The following PTPRD variants were observed in gnomAD, a reference collection of about 807,000 sequenced individuals.
PTPRD encodes protein tyrosine phosphatase receptor type D.
Under a neutral mutation model 214.5 loss-of-function variants are expected in PTPRD, and 34 were observed. The observed-to-expected ratio is 0.16, with a 90% CI of 0.12 to 0.21. The LOEUF is 0.21. Ranked by LOEUF, PTPRD falls within the 10% of genes least tolerant of loss-of-function variation. PTPRD has a pLI of 1.00. For synonymous variants in PTPRD, 1,128 were observed against 845.7 expected, an observed-to-expected ratio of 1.33 and a Z score of -5.79; for missense variants, 2,545 against 2,398.7, an observed-to-expected ratio of 1.06 and a Z score of -1.27.
intron 5 of PTPRD, among the ~76,000 whole-genome samples, chr9:9,790,765 T>C (rs148463929): frequency 2.0e-4 from 31 of 152,340 alleles, no homozygotes; most frequent in African/African-American, 6.7e-4. Flanking sequence ...AATTGTCTAA[T>C]GAATCTCTTC....
At chr9:9,592,955 G>A (rs551980492) in intron 7 of PTPRD, among the ~76,000 whole-genome samples, 6 of 151,936 alleles carry the variant, frequency 3.9e-5, no homozygotes, top group African/African-American at 1.2e-4. Flanking sequence ...TGAGACATGA[G>A]AATCACTTGA....
intron 9 of PTPRD, among the ~76,000 whole-genome samples, chr9:9,287,532 A>C (rs767698400): frequency 3.2e-4 from 49 of 152,014 alleles, no homozygotes; most frequent in Non-Finnish European, 1.9e-4. Context: ...GTTATCATTT[A>C]CGGCAGAATT....
At chr9:10,036,977 A>G (rs1267017938) in intron 3 of PTPRD, among the ~76,000 whole-genome samples, 2 of 151,982 alleles carry the variant, frequency 1.3e-5, no homozygotes, top group African/African-American at 4.8e-5. Flanking sequence ...TCAATCTCCC[A>G]GGCTTAAGTG....
intron 7 of PTPRD, among the ~76,000 whole-genome samples, chr9:9,608,348 G>A (rs1001242736): frequency 1.4e-4 from 22 of 152,130 alleles, no homozygotes; most frequent in African/African-American, 5.1e-4. Flanking sequence ...TAACCTTATT[G>A]ATACATCGTC....
At chr9:8,654,157 C>G (rs2096865818) in intron 12 of PTPRD, among the ~76,000 whole-genome samples, 1 of 152,200 alleles carries the variant, frequency 6.6e-6, no homozygotes, top group Admixed American at 6.5e-5. Flanking sequence ...GGAAAACATC[C>G]TAAGTTTTAG....
intron 11 of PTPRD, among the ~76,000 whole-genome samples, chr9:8,857,249 C>T (rs1445796013): frequency 6.6e-6 from 1 of 152,166 alleles, no homozygotes; most frequent in Non-Finnish European, 1.5e-5. Flanking sequence ...GTAATCCCTG[C>T]CTTTAAAAAA....
chr9:10,474,491 A>T (rs1333536324), intron 2 of PTPRD, among the ~76,000 whole-genome samples: 1 of 152,256 alleles, frequency 6.6e-6, no homozygotes, highest in East Asian at 1.9e-4. Context: ...TTCATAAAAC[A>T]AATTCTTAGA....
intron 35 of PTPRD, among the ~76,000 whole-genome samples, chr9:8,428,590 C>T (rs1005721633): frequency 6.6e-6 from 1 of 152,130 alleles, no homozygotes; most frequent in Non-Finnish European, 1.5e-5. Context: ...AGATCTCTGT[C>T]GTCCACCACT....
At chr9:9,021,616 G>C (rs1243009318) in intron 10 of PTPRD, among the ~76,000 whole-genome samples, 1 of 152,070 alleles carries the variant, frequency 6.6e-6, no homozygotes, top group Non-Finnish European at 1.5e-5. Flanking sequence ...TGTCGTAGGA[G>C]ATGACAGCTT....
chr9:8,933,979 G>T (rs1049804179), intron 11 of PTPRD, among the ~76,000 whole-genome samples: 1 of 151,892 alleles, frequency 6.6e-6, no homozygotes, highest in Non-Finnish European at 1.5e-5. Flanking sequence ...TCCTTTTGGG[G>T]CTGGGAAAGG....
intron 11 of PTPRD, among the ~76,000 whole-genome samples, chr9:8,933,340 G>GTTTTTTTTTTTTGTT (rs2098966794): frequency 1.2e-5 from 1 of 80,440 alleles, no homozygotes; most frequent in Non-Finnish European, 2.3e-5. Context: ...CAACCTTGAG[G>GTTTTTTTTTTTTGTT]TTTTTTTTTT....
chr9:9,747,926 G>A (rs768315501), intron 6 of PTPRD, among the ~76,000 whole-genome samples: 11 of 152,124 alleles, frequency 7.2e-5, no homozygotes, highest in Admixed American at 1.3e-4. Flanking sequence ...CTTTGAGAAA[G>A]GAATGTATAA....
intron 2 of PTPRD, among the ~76,000 whole-genome samples, chr9:10,488,094 A>C (rs1043489798): frequency 1.3e-5 from 2 of 151,468 alleles, no homozygotes; most frequent in Non-Finnish European, 2.9e-5. Flanking sequence ...TCGGCTGGGC[A>C]TGGTGGCTCG....
chr9:9,491,265 T>A (rs1227593179), intron 8 of PTPRD, among the ~76,000 whole-genome samples: 1 of 151,830 alleles, frequency 6.6e-6, no homozygotes, highest in Non-Finnish European at 1.5e-5. Flanking sequence ...ATGAAACACT[T>A]TTGCACCTAA....
intron 2 of PTPRD, among the ~76,000 whole-genome samples, chr9:10,512,300 G>A (rs550898618): frequency 2.4e-4 from 36 of 152,166 alleles, no homozygotes; most frequent in African/African-American, 8.2e-4. Context: ...GAGAGAATGT[G>A]TGACTATGTG....
chr9:9,839,593 G>A (rs972521383), intron 5 of PTPRD, among the ~76,000 whole-genome samples: 21 of 152,024 alleles, frequency 1.4e-4, no homozygotes, highest in African/African-American at 4.8e-4. Context: ...TTCATGGGTA[G>A]GAAGAATCAA....
intron 10 of PTPRD, among the ~76,000 whole-genome samples, chr9:9,157,272 A>G (rs941609880): frequency 2.0e-5 from 3 of 152,134 alleles, no homozygotes; most frequent in Admixed American, 2.0e-4. Flanking sequence ...AAAGGAAATA[A>G]CAAAGTTCAG....
intron 11 of PTPRD, among the ~76,000 whole-genome samples, chr9:8,779,814 GTTTT>G (rs369478924): frequency 1.6e-4 from 20 of 128,438 alleles, no homozygotes; most frequent in South Asian, 2.6e-4. Context: ...TGTTTTGTTG[GTTTT>G]TTTTTTTTTT....
chr9:8,646,821 T>C (rs1488657917), intron 12 of PTPRD, among the ~76,000 whole-genome samples: 1 of 152,182 alleles, frequency 6.6e-6, no homozygotes, highest in African/African-American at 2.4e-5. Flanking sequence ...CTCCCAACCA[T>C]ACCCAGCACA....
Sources: gnomAD v4.1 joint callset for allele counts (sites outside exome capture counted in the v4.1 genomes callset) on GRCh38, gnomAD v4.1.1 for gene constraint, MANE v1.5 for transcripts, NCBI Gene and HGNC (gene_info 2026-07-23, HGNC 2026-07-21) for gene names.